Variants in FERMT3 observed in about 807,000 individuals in gnomAD.
FERMT3 encodes fermitin family homolog 3.
FERMT3 carries 33 observed loss-of-function variants against 80.8 expected under a neutral mutation model. The ratio of observed to expected loss-of-function variants is 0.41; its 90% CI spans 0.31 to 0.55. FERMT3 has a LOEUF of 0.55. FERMT3 is among the 20% of genes least tolerant of loss of function. FERMT3 has a pLI of 0.31. For synonymous variants in FERMT3, 375 were observed against 372.2 expected, an observed-to-expected ratio of 1.01 and a Z score of -0.09; for missense variants, 754 against 908.7, an observed-to-expected ratio of 0.83 and a Z score of 2.19.
chr11:64,222,563 C>CAA (rs34119299), intron 13 of FERMT3, among the ~76,000 whole-genome samples: 2,703 of 82,316 alleles, frequency 0.033, 129 homozygotes, highest in African/African-American at 0.13. Context: ...CACTCCGTCT[C>CAA]AAAAAAAAAA....
At chr11:64,220,048 G>A (rs780512474) in intron 10 of FERMT3, 33 bp downstream of exon 10, 1 of 1,611,070 alleles carries the variant, frequency 6.2e-7, no homozygotes, top group Non-Finnish European at 8.5e-7. Context: ...TGGGTGGGGG[G>A]ATCCCCACTT....
rs192928228 is a variant in FERMT3 at position 64,223,414 on chromosome 11, G to T, written c.1914G>T (p.Ser638=). The change falls in exon 15 of 15, where the codon TCG becomes TCT. Residue 638 remains serine (S), a synonymous_variant. Coordinates refer to ENST00000345728, the MANE Select transcript of FERMT3 (RefSeq NM_031471.6). Reference sequence around the variant, plus strand: ...ATATCGGGGGCTACATTTTCCTGTCGACGCGGGAGCGGGCCCGTGGGGAGG... The same window carrying T: ...ATATCGGGGGCTACATTTTCCTGTCTACGCGGGAGCGGGCCCGTGGGGAGG... ...HEYIGGYIFL[S]TRERARGEEL... 3.1e-6 allele frequency: 5 copies of T among 1,613,628 alleles called. No individual in the cohort carries two copies. The African/African-American group carries it at 5.3e-5, about 17-fold the overall frequency.
In FERMT3 at chr11:64,210,407, T is replaced by C. The variant is rs1946409730; in HGVS notation, c.161-204T>C. On this transcript the variant is annotated intron_variant, in intron 2 of 14. Coordinates refer to ENST00000345728, the MANE Select transcript of FERMT3 (RefSeq NM_031471.6). The surrounding 1 kb of genome is among the most constrained non-coding windows in gnomAD (Gnocchi z 4.3). Reference sequence around the variant, plus strand: ...TGGGAAGCGATATAGAAGCCAAGCCTAGAAGGCCAAATCAGGGGCTGCCTG... The same window carrying C: ...TGGGAAGCGATATAGAAGCCAAGCCCAGAAGGCCAAATCAGGGGCTGCCTG... Among the ~76,000 whole-genome samples, 1 of 152,168 alleles carries C rather than the reference T, an allele frequency of 6.6e-6. No individual in the cohort carries two copies. Among genetic ancestry groups the C allele is most frequent in the Non-Finnish European group, 1.5e-5 (1 of 68,016 alleles).
intron 13 of FERMT3, among the ~76,000 whole-genome samples, chr11:64,222,722 T>G (rs1050279929): frequency 6.6e-6 from 1 of 152,102 alleles, no homozygotes; most frequent in African/African-American, 2.4e-5. Flanking sequence ...TGGGCCCCTT[T>G]GATTAGTTGT....
chr11:64,222,284 A>AAAT (rs1565298131), intron 13 of FERMT3, among the ~76,000 whole-genome samples: 103 of 137,278 alleles, frequency 7.5e-4, no homozygotes, highest in South Asian at 1.3e-3. Context: ...AATAAATAAA[A>AAAT]GAGCCTGCGC....
intron 6 of FERMT3, among the ~76,000 whole-genome samples, chr11:64,218,982 C>A (rs569118912): frequency 6.6e-6 from 1 of 152,256 alleles, no homozygotes; most frequent in Admixed American, 6.5e-5. Flanking sequence ...TTTACTCGGT[C>A]TCTCCTGCAC....
intron 6 of FERMT3, among the ~76,000 whole-genome samples, chr11:64,214,879 T>G (rs1328586287): frequency 6.6e-6 from 1 of 151,358 alleles, no homozygotes; most frequent in Admixed American, 6.6e-5. Context: ...CTCGGCCCAC[T>G]GCAACCTCTG....
At chr11:64,208,139 G>C (rs918723790) in intron 2 of FERMT3, among the ~76,000 whole-genome samples, 1 of 151,282 alleles carries the variant, frequency 6.6e-6, no homozygotes, top group African/African-American at 2.4e-5. Flanking sequence ...CTGGGCCTGG[G>C]CTGCCAGTGG....
At position 64,206,757 on chromosome 11, in the gene FERMT3, C is replaced by A. The variant is rs1946318521; in HGVS notation, c.-72C>A. On this transcript the variant is annotated 5_prime_UTR_variant, in exon 1 of 15. Coordinates refer to ENST00000345728, the MANE Select transcript of FERMT3 (RefSeq NM_031471.6). ...AAGAGAAAGGAGGGCAGGAAGCCCACGGCCCACAGGGGTGTAGCCCGAGAC... is the reference window on the plus strand; with the variant it reads ...AAGAGAAAGGAGGGCAGGAAGCCCAAGGCCCACAGGGGTGTAGCCCGAGAC... The A allele has an allele frequency of 6.5e-6, 1 of 153,242 alleles. No homozygotes were observed. Among genetic ancestry groups the A allele is most frequent in the South Asian group, 2.0e-4 (1 of 5,052 alleles). 9.5% of individuals were successfully genotyped at this position (153,242 alleles called of 1,614,324 possible).
Position 64,219,829 on chromosome 11 carries a change from T to A in FERMT3, c.1079+40T>A, listed in dbSNP as rs1283602466. On this transcript the variant is annotated intron_variant, in intron 9 of 14. Transcript: ENST00000345728. This position sits in a 1 kb window ranked among gnomAD's most constrained non-coding sequence, Gnocchi z 4.0. ...AGAGTAGGCAGCCCTGCTGGAGGGGTTGGTCTGCATATGGAGGGAGGGGGT... is the reference window on the plus strand; with the variant it reads ...AGAGTAGGCAGCCCTGCTGGAGGGGATGGTCTGCATATGGAGGGAGGGGGT... 3 of 1,613,808 alleles carry A rather than the reference T, an allele frequency of 1.9e-6. No homozygotes were observed. Among genetic ancestry groups the A allele is most frequent in the South Asian group, 2.2e-5 (2 of 91,086 alleles).
Position 64,223,202 on chromosome 11 carries a change from C to T in FERMT3, c.1812+13C>T. 1 of 1,613,678 alleles carries T rather than the reference C, an allele frequency of 6.2e-7. No homozygotes were observed. The highest frequency in any genetic ancestry group is 1.1e-5 in the South Asian group (1 of 91,088). On this transcript the variant is annotated intron_variant, in intron 14 of 14. Transcript: ENST00000345728. ...GGACATCCGGCAGGTGGGCCCAGACCCAGGGTATATGGATGGGGGACAGGT... is the reference window on the plus strand; with the variant it reads ...GGACATCCGGCAGGTGGGCCCAGACTCAGGGTATATGGATGGGGGACAGGT...
chr11:64,207,783 T>G, intron 2 of FERMT3: 1 of 448,016 alleles, frequency 2.2e-6, no homozygotes, highest in East Asian at 4.4e-5. Context: ...CAGCCACCAA[T>G]AGGGGCAGAA....
chr11:64,216,483 G>A (rs1189360085), intron 6 of FERMT3, among the ~76,000 whole-genome samples: 3 of 142,892 alleles, frequency 2.1e-5, no homozygotes, highest in Non-Finnish European at 3.1e-5. Context: ...ACAGGCGTGA[G>A]CCACCGGGCC....
At chr11:64,217,623 C>G (rs985674287) in intron 6 of FERMT3, among the ~76,000 whole-genome samples, 1 of 152,202 alleles carries the variant, frequency 6.6e-6, no homozygotes, top group Non-Finnish European at 1.5e-5. Context: ...GTACCAAATG[C>G]AGGGGTGCAT....
intron 2 of FERMT3, among the ~76,000 whole-genome samples, chr11:64,209,339 G>A (rs1260408663): frequency 6.6e-6 from 1 of 152,218 alleles, no homozygotes; most frequent in African/African-American, 2.4e-5. Flanking sequence ...GCAGCACATG[G>A]GTTTCTGGCT....
At position 64,223,517 on chromosome 11, in the gene FERMT3, G is replaced by A. The variant is rs759019550; in HGVS notation, c.*25G>A. ...AGGGCTGTCTGATTGCCCCTGCCCT[G>A]CTCACCACCCTGTCACAGCCACTCC... is the stretch of plus-strand genomic sequence containing the variant. On this transcript the variant is annotated 3_prime_UTR_variant, in exon 15 of 15. Coordinates refer to ENST00000345728, the MANE Select transcript of FERMT3 (RefSeq NM_031471.6). The A allele has an allele frequency of 6.5e-6, 10 of 1,546,206 alleles. 1 individual carries two copies. In the South Asian group the frequency reaches 1.1e-4, roughly 18 times the overall value.
At chr11:64,206,709 G>C (rs1946316902), upstream of FERMT3, 1 of 152,984 alleles carries the variant, frequency 6.5e-6, no homozygotes. Flanking sequence ...GCACAAGCAA[G>C]GGCTGCCCTG....
At chr11:64,206,493 G>A (rs1946313765), upstream of FERMT3, among the ~76,000 whole-genome samples, 1 of 152,252 alleles carries the variant, frequency 6.6e-6, no homozygotes, top group Non-Finnish European at 1.5e-5. Context: ...GGGACTTGTT[G>A]AGTTTGCACT....
Position 64,211,200 on chromosome 11 carries a change from G to A in FERMT3, c.514+29G>A, listed in dbSNP as rs1296113219. 6 of 1,573,034 alleles carry A rather than the reference G, an allele frequency of 3.8e-6. No individual in the cohort carries two copies. The highest frequency in any genetic ancestry group is 5.2e-6 in the Non-Finnish European group (6 of 1,159,640). On this transcript the variant is annotated intron_variant, in intron 4 of 14. Coordinates refer to ENST00000345728, the MANE Select transcript of FERMT3 (RefSeq NM_031471.6). This position sits in a 1 kb window ranked among gnomAD's most constrained non-coding sequence, Gnocchi z 4.7. ...AGTGCAAGTGGGGGTGGGCCTGGGG[G>A]GTTGGGGGCAGGGGCCGGCCCGTGA...
Sources: allele counts gnomAD v4.1 joint callset (sites outside exome capture counted in the v4.1 genomes callset), GRCh38; gene constraint gnomAD v4.1.1; non-coding constraint Gnocchi (gnomAD v3.1); transcripts MANE v1.5; gene names NCBI Gene and HGNC (gene_info 2026-07-23, HGNC 2026-07-21).